Variants in ARSG observed in about 807,000 individuals in gnomAD.
ARSG encodes arylsulfatase G.
In ARSG, 37 loss-of-function variants were observed where a neutral mutation model predicts 50.5. The ratio of observed to expected loss-of-function variants is 0.73; its 90% CI spans 0.56 to 0.96. ARSG has a LOEUF of 0.96. Among genes scored for constraint, ARSG ranks in the 50% least tolerant of loss-of-function variants. The pLI is 0.00. For synonymous variants in ARSG, 225 were observed against 254.6 expected, an observed-to-expected ratio of 0.88 and a Z score of 1.11; for missense variants, 629 against 675.3, an observed-to-expected ratio of 0.93 and a Z score of 0.76.
chr17:68,408,731 A>C, intron 11 of ARSG, among the ~76,000 whole-genome samples: 1 of 150,632 alleles, frequency 6.6e-6, no homozygotes, highest in East Asian at 1.9e-4. Flanking sequence ...ACTAGTTTAC[A>C]GTCCCACCAA....
At chr17:68,346,112 G>A (rs2078491632) in intron 3 of ARSG, among the ~76,000 whole-genome samples, 1 of 152,254 alleles carries the variant, frequency 6.6e-6, no homozygotes, top group African/African-American at 2.4e-5. Flanking sequence ...CTGGCCTCAT[G>A]TGATCCGCCT....
chr17:68,333,129 T>G (rs2077850736), intron 2 of ARSG, among the ~76,000 whole-genome samples: 2 of 151,470 alleles, frequency 1.3e-5, no homozygotes, highest in African/African-American at 4.9e-5. Context: ...GCTAACATGG[T>G]GAAACCCCGT....
the ARSG span, among the ~76,000 whole-genome samples, chr17:68,450,296 A>T: frequency 6.6e-6 from 1 of 152,178 alleles, no homozygotes; most frequent in Non-Finnish European, 1.5e-5. Context: ...GGGAGCCCCC[A>T]CTTCACTCTC....
At chr17:68,431,207 G>A in the ARSG span, among the ~76,000 whole-genome samples, 1 of 152,218 alleles carries the variant, frequency 6.6e-6, no homozygotes, top group Non-Finnish European at 1.5e-5. Context: ...GTGCTGCACA[G>A]ATGGTCCAGG....
chr17:68,337,779 G>A lies in ARSG; in HGVS notation c.219-5825G>A, dbSNP rs982203745. Among the ~76,000 whole-genome samples the A allele has an allele frequency of 3.9e-5, 6 of 152,106 alleles. No individual in the cohort carries two copies. The East Asian group carries it at 7.7e-4, about 20-fold the overall frequency. ...ACTACAGGCATGTGCCACCACGCCC[G>A]GCTAATTTTGTATTTTTAGTAGAGA... On this transcript the variant is annotated intron_variant, in intron 2 of 11. Coordinates refer to ENST00000621439, the MANE Select transcript of ARSG (RefSeq NM_001267727.2).
chr17:68,371,379 A>C (rs2079840265), intron 8 of ARSG, among the ~76,000 whole-genome samples: 1 of 151,262 alleles, frequency 6.6e-6, no homozygotes, highest in Non-Finnish European at 1.5e-5. Flanking sequence ...TGCCCATGTC[A>C]CACAGTTTGT....
chr17:68,444,971 A>C, the ARSG span, among the ~76,000 whole-genome samples: 1 of 125,284 alleles, frequency 8.0e-6, no homozygotes, highest in Non-Finnish European at 1.6e-5. Context: ...CCCAGACTGG[A>C]GTGCAGTGGC....
intron 11 of ARSG, among the ~76,000 whole-genome samples, chr17:68,408,526 G>T (rs973666667): frequency 3.2e-4 from 48 of 151,864 alleles, no homozygotes; most frequent in African/African-American, 9.9e-4. Flanking sequence ...GTCTATCATT[G>T]TTGGACATTT....
At chr17:68,303,400 C>G (rs1450539388) in intron 1 of ARSG, among the ~76,000 whole-genome samples, 5 of 152,170 alleles carry the variant, frequency 3.3e-5, no homozygotes, top group African/African-American at 1.2e-4. Context: ...GCTGGGATTA[C>G]AGGCATGAGC....
chr17:68,421,413 T>C, downstream of ARSG: 1 of 249,684 alleles, frequency 4.0e-6, no homozygotes, highest in Non-Finnish European at 8.0e-6. Context: ...ATACAAGAAA[T>C]ACAATTCAAA....
chr17:68,347,475 C>T (rs1298647531), intron 4 of ARSG, among the ~76,000 whole-genome samples: 1 of 152,152 alleles, frequency 6.6e-6, no homozygotes, highest in African/African-American at 2.4e-5. Flanking sequence ...ACATTCTGCC[C>T]CATGAGGTCC....
intron 8 of ARSG, among the ~76,000 whole-genome samples, chr17:68,371,086 C>A (rs2079816161): frequency 6.6e-6 from 1 of 151,952 alleles, no homozygotes; most frequent in Non-Finnish European, 1.5e-5. Context: ...TTTGGGAAGC[C>A]CAGGCCGGCG....
At chr17:68,404,461 C>T (rs2081617808) in intron 11 of ARSG, among the ~76,000 whole-genome samples, 1 of 152,110 alleles carries the variant, frequency 6.6e-6, no homozygotes. Flanking sequence ...GGTGTGAATT[C>T]CATTGATTCT....
At chr17:68,404,543 A>G (rs544607649) in intron 11 of ARSG, among the ~76,000 whole-genome samples, 2 of 152,332 alleles carry the variant, frequency 1.3e-5, no homozygotes, top group South Asian at 2.1e-4. Context: ...CCATTTAGTA[A>G]TGATGTATCA....
chr17:68,318,429 G>C (rs1195389109), intron 2 of ARSG, among the ~76,000 whole-genome samples: 2 of 152,196 alleles, frequency 1.3e-5, no homozygotes, highest in African/African-American at 4.8e-5. Flanking sequence ...ATGACTCCTG[G>C]CTGGGTGGCT....
chr17:68,384,241 GT>G (rs2080587512), intron 8 of ARSG, among the ~76,000 whole-genome samples: 1 of 152,152 alleles, frequency 6.6e-6, no homozygotes, highest in Non-Finnish European at 1.5e-5. Context: ...GGTGGGGTGT[GT>G]GTGGGGGTGG....
At chr17:68,392,874 G>C (rs1413301505) in intron 9 of ARSG, among the ~76,000 whole-genome samples, 1 of 152,160 alleles carries the variant, frequency 6.6e-6, no homozygotes, top group Non-Finnish European at 1.5e-5. Context: ...ATGGCATTTT[G>C]AACAAAAACT....
At chr17:68,348,391 G>A (rs527861023) in intron 4 of ARSG, among the ~76,000 whole-genome samples, 1 of 152,298 alleles carries the variant, frequency 6.6e-6, no homozygotes, top group Middle Eastern at 3.4e-3. Flanking sequence ...GTACCATGAT[G>A]GATCTGGTGT....
At chr17:68,419,520 G>A (rs889769091) in intron 11 of ARSG, among the ~76,000 whole-genome samples, 7 of 152,188 alleles carry the variant, frequency 4.6e-5, no homozygotes, top group Non-Finnish European at 1.0e-4. Flanking sequence ...AGGTTGCAGT[G>A]AGCTGAAGAT....
Sources: gnomAD v4.1 joint callset for allele counts (sites outside exome capture counted in the v4.1 genomes callset) on GRCh38, gnomAD v4.1.1 for gene constraint, MANE v1.5 for transcripts, NCBI Gene and HGNC (gene_info 2026-07-23, HGNC 2026-07-21) for gene names.